Variants in OSBPL9 observed in about 807,000 individuals in gnomAD.
The protein encoded by OSBPL9 is oxysterol-binding protein-related protein 9.
A neutral mutation model predicts 106.6 loss-of-function variants in OSBPL9; 40 were observed. That is an observed-to-expected ratio of 0.38 (90% CI 0.29 to 0.49). The LOEUF (loss-of-function observed/expected upper bound fraction) is 0.49, where lower values mean the gene tolerates loss of function less well. Ranked by LOEUF, OSBPL9 falls within the 20% of genes least tolerant of loss-of-function variation. The pLI, the probability that OSBPL9 is intolerant of heterozygous loss-of-function variation, is 0.97. For missense variants in OSBPL9, 609 were observed against 887.2 expected (o/e 0.69, Z 3.98); for synonymous variants, 269 against 295.4 (o/e 0.91, Z 0.92).
At position 51,611,362 on chromosome 1, in the gene OSBPL9, G is replaced by C. The variant is rs150344544; in HGVS notation, c.-352-2943G>C. Among the ~76,000 whole-genome samples the C allele has an allele frequency of 2.3e-3, 345 of 152,202 alleles. 1 individual carries two copies. The highest frequency in any genetic ancestry group is 8.0e-3 in the African/African-American group (332 of 41,520). On this transcript the variant is annotated intron_variant, in intron 2 of 25. Transcript: ENST00000371714. ...GCAAAGGACAGTCAATGTCTTGTAG[G>C]TTTCTGTGTTTTTCCTTAATAAAAC...
At chr1:51,631,067 A>G (rs938025146) in intron 1 of OSBPL9, among the ~76,000 whole-genome samples, 8 of 152,200 alleles carry the variant, frequency 5.3e-5, no homozygotes, top group African/African-American at 1.9e-4. Flanking sequence ...CTCTGAGGTT[A>G]GGGATTTTTC....
chr1:51,585,968 T>C (rs1645245424), intron 1 of OSBPL9, among the ~76,000 whole-genome samples: 2 of 150,918 alleles, frequency 1.3e-5, no homozygotes, highest in South Asian at 4.2e-4. Context: ...AGGTCAGGAG[T>C]TTAAGGCCAG....
chr1:51,518,697 G>C, the OSBPL9 span, among the ~76,000 whole-genome samples: 2 of 152,142 alleles, frequency 1.3e-5, no homozygotes, highest in African/African-American at 2.4e-5. Context: ...GACTGGCTTG[G>C]GGGGCCTGCG....
intron 1 of OSBPL9, among the ~76,000 whole-genome samples, chr1:51,636,725 G>A (rs1645473683): frequency 6.6e-6 from 1 of 152,096 alleles, no homozygotes; most frequent in Non-Finnish European, 1.5e-5. Context: ...CAAGGTGAGA[G>A]GATCACTTGA....
intron 3 of OSBPL9, among the ~76,000 whole-genome samples, chr1:51,682,764 GAA>G (rs1652857576): frequency 6.7e-6 from 1 of 150,152 alleles, no homozygotes; most frequent in Non-Finnish European, 1.5e-5. Flanking sequence ...CTCAAAAAAA[GAA>G]AAAGAAAAGA....
At chr1:51,659,804 C>A (rs1396190129) in intron 2 of OSBPL9, among the ~76,000 whole-genome samples, 1 of 151,826 alleles carries the variant, frequency 6.6e-6, no homozygotes, top group Non-Finnish European at 1.5e-5. Context: ...AAGCATAAAT[C>A]AACAAAATTA....
At chr1:51,572,942 G>C (rs776641248), upstream of OSBPL9, among the ~76,000 whole-genome samples, 1 of 151,850 alleles carries the variant, frequency 6.6e-6, no homozygotes, top group Admixed American at 6.6e-5. Context: ...AGGCGCAGTG[G>C]CACTCACACC....
intron 3 of OSBPL9, among the ~76,000 whole-genome samples, chr1:51,680,651 A>G (rs1652338459): frequency 6.6e-6 from 1 of 151,920 alleles, no homozygotes; most frequent in African/African-American, 2.4e-5. Context: ...ACAGAGTGAG[A>G]CCCTGTCTCA....
rs528401039 is a variant in OSBPL9 at position 51,702,654 on chromosome 1, T to C, written c.242-11349T>C. Reference sequence around the variant, plus strand: ...GCTGAAGCTCTTTAATTTAATTAGATCCCATTTGTCAATTTTGGCTTTTGT... The same window carrying C: ...GCTGAAGCTCTTTAATTTAATTAGACCCCATTTGTCAATTTTGGCTTTTGT... On this transcript the variant is annotated intron_variant, in intron 3 of 23. Coordinates refer to ENST00000428468, the MANE Select transcript of OSBPL9 (RefSeq NM_024586.6). Among the ~76,000 whole-genome samples the C allele has an allele frequency of 2.8e-3, 434 of 152,350 alleles. 1 individual carries two copies. The highest frequency in any genetic ancestry group is 9.9e-3 in the African/African-American group (411 of 41,588).
chr1:51,594,882 C>T (rs1314774666), intron 1 of OSBPL9: 1 of 152,300 alleles, frequency 6.6e-6, no homozygotes, highest in Non-Finnish European at 1.5e-5. Flanking sequence ...TCTTTGAACT[C>T]CTCGCGCAGG....
intron 3 of OSBPL9, among the ~76,000 whole-genome samples, chr1:51,681,912 A>G (rs1490602536): frequency 6.6e-6 from 1 of 152,202 alleles, no homozygotes; most frequent in Non-Finnish European, 1.5e-5. Flanking sequence ...TAAAATTTGT[A>G]TTATTTTGGC....
intron 1 of OSBPL9, among the ~76,000 whole-genome samples, chr1:51,586,042 C>T (rs775945282): frequency 1.0e-4 from 15 of 148,292 alleles, no homozygotes; most frequent in Non-Finnish European, 1.5e-4. Context: ...GCATAGGTGG[C>T]GCACACCTGT....
intron 8 of OSBPL9, among the ~76,000 whole-genome samples, chr1:51,750,666 A>T (rs1669044616): frequency 6.6e-6 from 1 of 152,152 alleles, no homozygotes; most frequent in Non-Finnish European, 1.5e-5. Context: ...TATATTTTGA[A>T]TTATTGTGGG....
intron 3 of OSBPL9, among the ~76,000 whole-genome samples, chr1:51,682,627 G>A (rs547093057): frequency 1.7e-3 from 255 of 151,934 alleles, no homozygotes; most frequent in Middle Eastern, 3.4e-3. Flanking sequence ...GCCTGGTGGC[G>A]CGCGCCTATA....
chr1:51,621,166 A>G (rs1361808119), intron 1 of OSBPL9, among the ~76,000 whole-genome samples: 1 of 152,170 alleles, frequency 6.6e-6, no homozygotes, highest in African/African-American at 2.4e-5. Context: ...CCTCTATTGA[A>G]TTATTTTTAG....
chr1:51,554,173 T>C, the OSBPL9 span, among the ~76,000 whole-genome samples: 12,403 of 152,016 alleles, frequency 0.082, 588 homozygotes, highest in African/African-American at 0.11. Flanking sequence ...GGTATAAATA[T>C]AAATACATAT....
In OSBPL9 at chr1:51,640,151, A is replaced by G. The variant is rs551921409; in HGVS notation, c.112-11840A>G. On this transcript the variant is annotated intron_variant, in intron 1 of 23. Coordinates refer to ENST00000428468, the MANE Select transcript of OSBPL9 (RefSeq NM_024586.6). ...TGGCCATTCTTTGCTTTATAAAAGGATTGTAGAATTAATGTAAATGGCAAG... is the reference window on the plus strand; with the variant it reads ...TGGCCATTCTTTGCTTTATAAAAGGGTTGTAGAATTAATGTAAATGGCAAG... Among the ~76,000 whole-genome samples, 163 of 152,244 alleles carry G rather than the reference A, an allele frequency of 1.1e-3. 4 individuals are homozygous for G. In the South Asian group the frequency reaches 0.017, roughly 16 times the overall value.
chr1:51,690,430 T>TTCCCCCACAAA (rs1553165691), intron 3 of OSBPL9, among the ~76,000 whole-genome samples: 2 of 152,230 alleles, frequency 1.3e-5, no homozygotes, highest in African/African-American at 2.4e-5. Flanking sequence ...GGAGGAACAC[T>TTCCCCCACAAA]TGTGTAAATA....
intron 3 of OSBPL9, among the ~76,000 whole-genome samples, chr1:51,710,684 G>A (rs767489311): frequency 2.8e-4 from 43 of 152,138 alleles, no homozygotes; most frequent in Non-Finnish European, 5.9e-4. Context: ...ATTAAATGTC[G>A]TACTCTATTG....
Sources: gnomAD v4.1 joint callset for allele counts (sites outside exome capture counted in the v4.1 genomes callset) on GRCh38, gnomAD v4.1.1 for gene constraint, MANE v1.5 for transcripts, NCBI Gene and HGNC (gene_info 2026-07-23, HGNC 2026-07-21) for gene names.